TUT7: variants seen among roughly 807,000 people sequenced by gnomAD.
The protein encoded by TUT7 is terminal uridylyltransferase 7.
TUT7 carries 33 observed loss-of-function variants against 165.9 expected under a neutral mutation model. That is an observed-to-expected ratio of 0.20 (90% CI 0.15 to 0.27). The LOEUF is 0.27. Ranked by LOEUF, TUT7 falls within the 10% of genes least tolerant of loss-of-function variation. TUT7 has a pLI of 1.00. For missense variants in TUT7, 1,338 were observed against 1,762.3 expected, an observed-to-expected ratio of 0.76 and a Z score of 4.31; for synonymous variants, 552 against 608.1, an observed-to-expected ratio of 0.91 and a Z score of 1.36.
At chr9:86,319,917 C>A (rs1176522560) in intron 14 of TUT7, among the ~76,000 whole-genome samples, 1 of 152,174 alleles carries the variant, frequency 6.6e-6, no homozygotes, top group Non-Finnish European at 1.5e-5. Context: ...ACTGCAACCT[C>A]TGCCTCCCAG....
intron 11 of TUT7, 75 bp downstream of exon 11, chr9:86,328,262 AAAG>A: frequency 1.5e-6 from 2 of 1,362,176 alleles, no homozygotes. Flanking sequence ...ATAGTTAAGG[AAAG>A]AAGACAAGAC....
At chr9:86,324,744 C>A (rs1829635260) in intron 12 of TUT7, 1 of 152,132 alleles carries the variant, frequency 6.6e-6, no homozygotes, top group Non-Finnish European at 1.5e-5. Context: ...AAGAGCTAGT[C>A]CATTTAATGA....
chr9:86,318,006 T>C (rs1030936953), intron 16 of TUT7, among the ~76,000 whole-genome samples: 5 of 152,236 alleles, frequency 3.3e-5, no homozygotes, highest in African/African-American at 1.2e-4. Context: ...TTATATACTT[T>C]ATTCAAATTC....
In TUT7 at chr9:86,341,016, C is replaced by T; in HGVS notation, c.1124G>A (p.Cys375Tyr). 1 of 1,611,564 alleles carries T rather than the reference C, an allele frequency of 6.2e-7. No homozygotes were observed. The highest frequency in any genetic ancestry group is 2.2e-5 in the East Asian group (1 of 44,708). The change falls in exon 7 of 27, where the codon TGT (cysteine) becomes TAT (tyrosine). Residue 375 changes from cysteine (C) to tyrosine (Y), a missense_variant. Physicochemically the swap from Cys to Tyr is radical, Grantham distance 194 (BLOSUM62 -2). Coordinates refer to ENST00000375963, the MANE Select transcript of TUT7 (RefSeq NM_024617.4). ...TTTGGCCTTACCACTGTTCTTTAAA[C>T]ATTCTTGAACAAGTAAGAGGACATC... ...QPDVLLLVQECLKNSDSFIDV... is the reference protein window; with the variant it reads ...QPDVLLLVQEYLKNSDSFIDV...
chr9:86,325,561 C>T (rs1587946613), intron 11 of TUT7, 47 bp from the exon 12 acceptor site: 2 of 1,501,696 alleles, frequency 1.3e-6, no homozygotes, highest in African/African-American at 2.8e-5. Context: ...GATGTAAGTA[C>T]AATCTGGAAA....
rs1464499747 is a variant in TUT7, at chr9:86,323,076, G to A, written c.2674C>T (p.Leu892=). 1.7e-5 allele frequency: 28 copies of A among 1,614,008 alleles called. No homozygotes were observed. The highest frequency in any genetic ancestry group is 2.2e-5 in the Non-Finnish European group (26 of 1,180,026). The change falls in exon 13 of 27, where the codon CTA becomes TTA. Residue 892 remains leucine, a synonymous_variant. Coordinates refer to ENST00000375963, the MANE Select transcript of TUT7 (RefSeq NM_024617.4). ...CCTAACTCATCATCCTCTTCAGATA[G>A]GGCGTCCTCATCCCCTGACCCAGTG... ...TYTGSGDEDA[L]SEEDDELGEA...
intron 11 of TUT7, among the ~76,000 whole-genome samples, chr9:86,326,162 T>G (rs991827761): frequency 1.3e-5 from 2 of 152,258 alleles, no homozygotes; most frequent in African/African-American, 4.8e-5. Flanking sequence ...TGCCACGTCA[T>G]AGCTCTTAAT....
intron 5 of TUT7, among the ~76,000 whole-genome samples, chr9:86,343,524 A>C (rs1168057676): frequency 6.6e-6 from 1 of 152,196 alleles, no homozygotes; most frequent in African/African-American, 2.4e-5. Flanking sequence ...GTTGAAAAAG[A>C]ATGTCTTTGT....
In TUT7 at chr9:86,337,638, T is replaced by G. The variant is rs137903802; in HGVS notation, c.1336-100A>C. Reference sequence around the variant, plus strand: ...TGTAACCTCATTCTTGTTTACTACATGATTTACGGTAATTCTTCAGCTGAA... The same window carrying G: ...TGTAACCTCATTCTTGTTTACTACAGGATTTACGGTAATTCTTCAGCTGAA... On this transcript the variant is annotated intron_variant, in intron 9 of 26. Coordinates refer to ENST00000375963, the MANE Select transcript of TUT7 (RefSeq NM_024617.4). The G allele has an allele frequency of 1.6e-4, 218 of 1,346,862 alleles. 1 individual carries two copies. In the African/African-American group the frequency reaches 2.8e-3, roughly 17 times the overall value. 83.4% of individuals were successfully genotyped at this position (1,346,862 alleles called of 1,614,324 possible). A position where few individuals can be genotyped will look rare whatever the true frequency, so the allele number is the denominator to read the frequency against.
rs183294505 is a variant in TUT7, at chr9:86,340,628, T to C, written c.1138+374A>G. On this transcript the variant is annotated intron_variant, in intron 7 of 26. Coordinates refer to ENST00000375963, the MANE Select transcript of TUT7 (RefSeq NM_024617.4). ...GGGCACCACTCTGTGGATTCATTAA[T>C]TAGGGTTGGGTTACACCTATTCACT... 3.3e-5 allele frequency among the ~76,000 whole-genome samples: 5 copies of C among 152,348 alleles called. No individual in the cohort carries two copies. The East Asian group carries it at 7.7e-4, about 24-fold the overall frequency.
At chr9:86,341,972 C>T (rs1831365158) in intron 6 of TUT7, among the ~76,000 whole-genome samples, 1 of 152,034 alleles carries the variant, frequency 6.6e-6, no homozygotes, top group Admixed American at 6.6e-5. Flanking sequence ...GTATGTCTGC[C>T]ATACAAATGG....
chr9:86,289,402 A>G (rs1825745599), intron 26 of TUT7, among the ~76,000 whole-genome samples: 1 of 152,184 alleles, frequency 6.6e-6, no homozygotes, highest in African/African-American at 2.4e-5. Context: ...CCAATGGGGG[A>G]AAGTATGAAT....
chr9:86,292,698 C>T (rs1450501761), intron 26 of TUT7, among the ~76,000 whole-genome samples: 1 of 151,424 alleles, frequency 6.6e-6, no homozygotes, highest in South Asian at 2.1e-4. Context: ...TTCTTGAGCC[C>T]AGGAGTTCGA....
At chr9:86,351,788 A>G (rs1437169145) in intron 2 of TUT7, among the ~76,000 whole-genome samples, 1 of 152,212 alleles carries the variant, frequency 6.6e-6, no homozygotes, top group East Asian at 1.9e-4. Context: ...AACACATTCT[A>G]TACAACCACT....
chr9:86,319,375 T>A (rs551758507), intron 15 of TUT7, among the ~76,000 whole-genome samples: 60 of 152,310 alleles, frequency 3.9e-4, no homozygotes, highest in African/African-American at 1.3e-3. Context: ...AAACATAGTA[T>A]TAAATGAAAT....
chr9:86,288,400 C>A lies in TUT7; in HGVS notation c.*277G>T. 1 of 219,814 alleles carries A rather than the reference C, an allele frequency of 4.5e-6. No individual in the cohort carries two copies. 13.6% of individuals were successfully genotyped at this position (219,814 alleles called of 1,614,324 possible). A position where few individuals can be genotyped will look rare whatever the true frequency, so the allele number is the denominator to read the frequency against. ...CCATGAAACTGTATTCACTGAATAC[C>A]GGTCCATAGTTATATTTTTTCTTTT... is the stretch of plus-strand genomic sequence containing the variant. On this transcript the variant is annotated 3_prime_UTR_variant, in exon 27 of 27. Coordinates refer to ENST00000375963, the MANE Select transcript of TUT7 (RefSeq NM_024617.4).
At chr9:86,350,527 A>C (rs977399217) in intron 2 of TUT7, among the ~76,000 whole-genome samples, 13 of 152,244 alleles carry the variant, frequency 8.5e-5, no homozygotes, top group African/African-American at 3.1e-4. Context: ...CGCCGTCAGG[A>C]TTTCAGGTCC....
Position 86,352,917 on chromosome 9 carries a change from T to C in TUT7, c.283A>G (p.Lys95Glu), listed in dbSNP as rs1245718284. ...SQPAWMNDSH[K>E]DQSKRWLSDE... ...GACAGCCATCTCTTACTCTGATCTT[T>C]GTGGCTGTCATTCATCCAAGCGGGT... Residue 95 changes from lysine (K) to glutamate (E), a missense_variant, in exon 2 of 27, where the codon AAA (lysine) becomes GAA (glutamate). Coordinates refer to ENST00000375963, the MANE Select transcript of TUT7 (RefSeq NM_024617.4). 1 of 1,614,122 alleles carries C rather than the reference T, an allele frequency of 6.2e-7. No homozygotes were observed. Among genetic ancestry groups the C allele is most frequent in the African/African-American group, 1.3e-5 (1 of 74,934 alleles).
intron 10 of TUT7, among the ~76,000 whole-genome samples, chr9:86,334,774 C>T (rs1366321629): frequency 6.6e-6 from 1 of 152,068 alleles, no homozygotes; most frequent in Non-Finnish European, 1.5e-5. Context: ...GTTATCTTTC[C>T]TTTCAGTTCC....
Sources: gnomAD v4.1 joint callset for allele counts (sites outside exome capture counted in the v4.1 genomes callset) on GRCh38, gnomAD v4.1.1 for gene constraint, MANE v1.5 for transcripts, NCBI Gene and HGNC (gene_info 2026-07-23, HGNC 2026-07-21) for gene names.